Variants in TRIM11 observed in about 807,000 individuals in gnomAD.
The protein encoded by TRIM11 is E3 ubiquitin-protein ligase TRIM11.
TRIM11 carries 15 observed loss-of-function variants against 33.4 expected under a neutral mutation model. The observed-to-expected ratio is 0.45, with a 90% CI of 0.30 to 0.69. TRIM11 has a LOEUF of 0.69. Among genes scored for constraint, TRIM11 ranks in the 30% least tolerant of loss-of-function variants. TRIM11 has a pLI of 0.08. For synonymous variants in TRIM11, 281 were observed against 302.6 expected (o/e 0.93, Z 0.74); for missense variants, 499 against 667.6 (o/e 0.75, Z 2.78).
chr1:228,399,777 A>G (rs1211957055), intron 3 of TRIM11, among the ~76,000 whole-genome samples: 1 of 151,032 alleles, frequency 6.6e-6, no homozygotes, highest in African/African-American at 2.4e-5. Flanking sequence ...GTGGAGGAGC[A>G]GATGCTGCAG....
At position 228,396,888 on chromosome 1, in the gene TRIM11, C is replaced by A. The variant is rs942171200; in HGVS notation, c.859+59G>T. On this transcript the variant is annotated intron_variant, in intron 5 of 5. Coordinates refer to ENST00000284551, the MANE Select transcript of TRIM11 (RefSeq NM_145214.3). The stretch of plus-strand genomic sequence containing the variant: ...GGCACAGAACACGTGGCTGGCTGCC[C>A]AGGTCCTTGGCAGGTCCCCTCCTGG... 6.5e-6 allele frequency: 10 copies of A among 1,533,582 alleles called. No homozygotes were observed. In the East Asian group the frequency reaches 6.7e-5, roughly 10 times the overall value. 95.0% of individuals were successfully genotyped at this position (1,533,582 alleles called of 1,614,324 possible). A position where few individuals can be genotyped will look rare whatever the true frequency, so the allele number is the denominator to read the frequency against.
At position 228,400,907 on chromosome 1, in the gene TRIM11, C is replaced by G. The variant is rs1163516823; in HGVS notation, c.735+57G>C. On this transcript the variant is annotated intron_variant, in intron 3 of 5. Transcript: ENST00000284551. The surrounding 1 kb of genome is among the most constrained non-coding windows in gnomAD (Gnocchi z 4.5). Reference sequence around the variant, plus strand: ...CTTGCACTTTCTGGTTCTCCCTCCCCCAGTGTGGCCAGGCCATGCCCGTGT... The same window carrying G: ...CTTGCACTTTCTGGTTCTCCCTCCCGCAGTGTGGCCAGGCCATGCCCGTGT... The G allele has an allele frequency of 9.6e-6, 14 of 1,454,360 alleles. No homozygotes were observed. The highest frequency in any genetic ancestry group is 4.3e-5 in the African/African-American group (3 of 70,492). The allele number at this position is 1,454,360 out of a possible 1,614,324, so 90.1% of individuals were successfully genotyped here.
Position 228,400,387 on chromosome 1 carries a change from C to T in TRIM11, c.735+577G>A, listed in dbSNP as rs1656143624. On this transcript the variant is annotated intron_variant, in intron 3 of 5. Transcript: ENST00000284551. This position sits in a 1 kb window ranked among gnomAD's most constrained non-coding sequence, Gnocchi z 4.5. Reference sequence around the variant, plus strand: ...CCTGCCGCCAGGCCACAGGCCAGGGCGTCCACTGGTTCTGGTTTGGGGGTG... The same window carrying T: ...CCTGCCGCCAGGCCACAGGCCAGGGTGTCCACTGGTTCTGGTTTGGGGGTG... 1.3e-5 allele frequency among the ~76,000 whole-genome samples: 2 copies of T among 152,200 alleles called. No homozygotes were observed. Among genetic ancestry groups the T allele is most frequent in the South Asian group, 2.1e-4 (1 of 4,824 alleles).
rs748088856 is a variant in TRIM11 at position 228,401,884 on chromosome 1, G to T, written c.504+182C>A. On this transcript the variant is annotated intron_variant, in intron 2 of 5. Transcript: ENST00000284551. This position sits in a 1 kb window ranked among gnomAD's most constrained non-coding sequence, Gnocchi z 6.1. ...GGAGCCCACGCCCACGACCTGGCAGGACAGGTGCACGTGGGAAAGGACCAG... is the reference window on the plus strand; with the variant it reads ...GGAGCCCACGCCCACGACCTGGCAGTACAGGTGCACGTGGGAAAGGACCAG... Among the ~76,000 whole-genome samples, 4 of 152,150 alleles carry T rather than the reference G, an allele frequency of 2.6e-5. No homozygotes were observed. Among genetic ancestry groups the T allele is most frequent in the African/African-American group, 4.8e-5 (2 of 41,426 alleles).
Position 228,406,287 on chromosome 1 carries a change from C to A in TRIM11, c.275G>T (p.Cys92Phe). 2 of 1,488,946 alleles carry A rather than the reference C, an allele frequency of 1.3e-6. No individual in the cohort carries two copies. The highest frequency in any genetic ancestry group is 1.8e-6 in the Non-Finnish European group (2 of 1,126,314). 92.2% of individuals were successfully genotyped at this position (1,488,946 alleles called of 1,614,324 possible). ...GGCCAGTGGCTCGCGGTGCGCGGGGCACACGCCCTGCGGGACCGGCGACGG... is the reference window on the plus strand; with the variant it reads ...GGCCAGTGGCTCGCGGTGCGCGGGGAACACGCCCTGCGGGACCGGCGACGG... ...HPPSPVPQGV[C>F]PAHREPLAAF... is the part of the protein sequence containing the mutation. The change falls in exon 1 of 6, where the codon TGC (cysteine) becomes TTC (phenylalanine). Residue 92 changes from cysteine (C) to phenylalanine (F), a missense_variant. Physicochemically the swap from Cys to Phe is radical, Grantham distance 205 (BLOSUM62 -2). Coordinates refer to ENST00000284551, the MANE Select transcript of TRIM11 (RefSeq NM_145214.3). The surrounding 1 kb of genome is among the most constrained non-coding windows in gnomAD (Gnocchi z 8.2).
intron 3 of TRIM11, among the ~76,000 whole-genome samples, chr1:228,399,274 C>T (rs1365843600): frequency 6.6e-6 from 1 of 152,178 alleles, no homozygotes; most frequent in East Asian, 1.9e-4. Flanking sequence ...TCTCCTGCAA[C>T]CCCCATGTGG....
At chr1:228,404,350 C>T (rs139843595) in intron 1 of TRIM11, 1 of 152,428 alleles carries the variant, frequency 6.6e-6, no homozygotes, top group African/African-American at 2.4e-5. Flanking sequence ...CTGTCATGAC[C>T]CCAGGTCAGG....
rs754655605 is a variant in TRIM11 at position 228,397,151 on chromosome 1, G to A, written c.750C>T (p.Ala250=). Reference sequence around the variant, plus strand: ...AGAGGCTGGGTTCGTACCTGCGCAGGGCGTCCTTGATGTCCTATGTGGGGA... The same window carrying A: ...AGAGGCTGGGTTCGTACCTGCGCAGAGCGTCCTTGATGTCCTATGTGGGGA... The part of the protein sequence containing the change: ...ALGLLQDIKD[A]LRRVQDVKLQ... Residue 250 remains alanine, a synonymous_variant, in exon 4 of 6, where the codon GCC becomes GCT. Transcript: ENST00000284551. 1.9e-6 allele frequency: 3 copies of A among 1,613,628 alleles called. No individual in the cohort carries two copies. Among genetic ancestry groups the A allele is most frequent in the East Asian group, 4.5e-5 (2 of 44,866 alleles).
chr1:228,398,071 A>T (rs1389776617), intron 3 of TRIM11, among the ~76,000 whole-genome samples: 1 of 152,170 alleles, frequency 6.6e-6, no homozygotes, highest in African/African-American at 2.4e-5. Context: ...ACACCCAGGT[A>T]TTGGAACATC....
chr1:228,402,090 C>T lies in TRIM11; in HGVS notation c.480G>A (p.Ala160=), dbSNP rs1374305780. The T allele has an allele frequency of 1.7e-5, 28 of 1,613,006 alleles. No individual in the cohort carries two copies. The highest frequency in any genetic ancestry group is 2.7e-5 in the African/African-American group (2 of 74,900). The change falls in exon 2 of 6, where the codon GCG becomes GCA. Residue 160 remains alanine (A), a synonymous_variant. Coordinates refer to ENST00000284551, the MANE Select transcript of TRIM11 (RefSeq NM_145214.3). ...MQDALLFQAQ[A]DETCVLWQKM... ...CCTGCCACAAGACGCAGGTCTCATC[C>T]GCCTGGGCTTGGAACAGCAACGCAT...
At chr1:228,402,435 C>T in intron 1 of TRIM11, 2 of 284,246 alleles carry the variant, frequency 7.0e-6, no homozygotes, top group Non-Finnish European at 1.3e-5. Context: ...CCAGGCCTCA[C>T]CCCCCTTTGC....
rs1656245782 is a variant in TRIM11 at position 228,401,975 on chromosome 1, G to A, written c.504+91C>T. 9.6e-7 allele frequency: 1 copy of A among 1,043,528 alleles called. No homozygotes were observed. Among genetic ancestry groups the A allele is most frequent in the Non-Finnish European group, 1.4e-6 (1 of 730,470 alleles). The allele number at this position is 1,043,528 out of a possible 1,614,324, so 64.6% of individuals were successfully genotyped here. ...TGGTCCTGGGGCGCCAAGGGCAAGT[G>A]TGCCTGGCCAGCATCGCCCCCTGGG... On this transcript the variant is annotated intron_variant, in intron 2 of 5. Transcript: ENST00000284551. This position sits in a 1 kb window ranked among gnomAD's most constrained non-coding sequence, Gnocchi z 6.1.
rs2074986924 is a variant in TRIM11 at position 228,396,358 on chromosome 1, G to A, written c.859+589C>T. On this transcript the variant is annotated intron_variant, in intron 5 of 5. Transcript: ENST00000284551. The stretch of plus-strand genomic sequence containing the variant: ...CTAAACAGCTCTTGGGGCTCAGGGA[G>A]TTTCCAGGTTGGTGAGCACACTGAG... 3 of 402,816 alleles carry A rather than the reference G, an allele frequency of 7.4e-6. No individual in the cohort carries two copies. In the South Asian group the frequency reaches 1.4e-4, roughly 18 times the overall value. The allele number at this position is 402,816 out of a possible 1,614,324, so 25.0% of individuals were successfully genotyped here.
intron 1 of TRIM11, 180 bp from the exon 2 acceptor site, chr1:228,402,341 CTTGCCAGAGGCT>C (rs901250837): frequency 2.0e-6 from 1 of 511,988 alleles, no homozygotes; most frequent in African/African-American, 2.0e-5. Flanking sequence ...TGGGCAGCCT[CTTGCCAGAGGCT>C]GACAGCCCCA....
In TRIM11 at chr1:228,395,790, G is replaced by A. The variant is rs1235773487; in HGVS notation, c.860-538C>T. 6.6e-6 allele frequency: 1 copy of A among 152,456 alleles called. No homozygotes were observed. The highest frequency in any genetic ancestry group is 1.5e-5 in the Non-Finnish European group (1 of 68,224). The allele number at this position is 152,456 out of a possible 1,614,324, so 9.4% of individuals were successfully genotyped here. A position where few individuals can be genotyped will look rare whatever the true frequency, so the allele number is the denominator to read the frequency against. On this transcript the variant is annotated intron_variant, in intron 5 of 5. Coordinates refer to ENST00000284551, the MANE Select transcript of TRIM11 (RefSeq NM_145214.3). The surrounding 1 kb of genome is among the most constrained non-coding windows in gnomAD (Gnocchi z 4.8). ...AATCCTCCCGCCTGAGCCTCTCAAA[G>A]TGCTGGGATTACAGAGGTGAGCCAA...
chr1:228,397,311 C>A (rs906964824), intron 3 of TRIM11, 146 bp from the exon 4 acceptor site: 2 of 864,696 alleles, frequency 2.3e-6, no homozygotes, highest in African/African-American at 1.7e-5. Flanking sequence ...GGGCCATAAA[C>A]CACCCGCAGC....
At position 228,402,130 on chromosome 1, in the gene TRIM11, C is replaced by T. The variant is rs758801204; in HGVS notation, c.440G>A (p.Arg147Gln). The change falls in exon 2 of 6, where the codon CGG (arginine) becomes CAG (glutamine). Residue 147 changes from arginine (R) to glutamine (Q), a missense_variant. Physicochemically the swap from Arg to Gln is conservative, Grantham distance 43 (BLOSUM62 1). Coordinates refer to ENST00000284551, the MANE Select transcript of TRIM11 (RefSeq NM_145214.3). ...CAGCAACGCATCCTGCATCTGCTTC[C>T]GGAGATGCTCCAGTGACTTCTCCAG... ...AKLEKSLEHL[R>Q]KQMQDALLFQ... 47 of 1,613,026 alleles carry T rather than the reference C, an allele frequency of 2.9e-5. No individual in the cohort carries two copies. The highest frequency in any genetic ancestry group is 1.6e-4 in the Middle Eastern group (1 of 6,076).
chr1:228,394,812 A>C lies in TRIM11; in HGVS notation c.1300T>G (p.Phe434Val), dbSNP rs753575752. Residue 434 changes from phenylalanine (F) to valine (V), a missense_variant, in exon 6 of 6, where the codon TTC (phenylalanine) becomes GTC (valine). Coordinates refer to ENST00000284551, the MANE Select transcript of TRIM11 (RefSeq NM_145214.3). This position sits in a 1 kb window ranked among gnomAD's most constrained non-coding sequence, Gnocchi z 6.2. ...SLLFIFPEIPFSGTLRPLFSP... is the reference protein window; with the variant it reads ...SLLFIFPEIPVSGTLRPLFSP... Reference sequence around the variant, plus strand: ...AAGAGGGGCCGCAGCGTCCCCGAGAAGGGGATCTCGGGAAAGATGAATAGC... The same window carrying C: ...AAGAGGGGCCGCAGCGTCCCCGAGACGGGGATCTCGGGAAAGATGAATAGC... 8.7e-6 allele frequency: 14 copies of C among 1,613,948 alleles called. No homozygotes were observed. The highest frequency in any genetic ancestry group is 1.2e-5 in the Non-Finnish European group (14 of 1,179,996).
At position 228,397,007 on chromosome 1, in the gene TRIM11, T is replaced by C; in HGVS notation, c.799A>G (p.Met267Val). 1 of 1,614,036 alleles carries C rather than the reference T, an allele frequency of 6.2e-7. No homozygotes were observed. The highest frequency in any genetic ancestry group is 8.5e-7 in the Non-Finnish European group (1 of 1,179,966). ...ACCCTGCACACGGTCCTCAGCTCCA[T>C]AGGCACAACTTCTGGGGGCTGCAGC... is the stretch of plus-strand genomic sequence containing the variant. ...VKLQPPEVVP[M>V]ELRTVCRVPG... is the part of the protein sequence containing the mutation. The change falls in exon 5 of 6, where the codon ATG (methionine) becomes GTG (valine). Residue 267 changes from methionine (M) to valine (V), a missense_variant. By Grantham distance (21) the Met-to-Val change is conservative. Transcript: ENST00000284551.
Sources: allele counts gnomAD v4.1 joint callset (sites outside exome capture counted in the v4.1 genomes callset), GRCh38; gene constraint gnomAD v4.1.1; non-coding constraint Gnocchi (gnomAD v3.1); transcripts MANE v1.5; gene names NCBI Gene and HGNC (gene_info 2026-07-23, HGNC 2026-07-21).